The following PTPRQ variants were observed in gnomAD, a reference collection of about 807,000 sequenced individuals.
PTPRQ encodes the protein protein tyrosine phosphatase receptor type Q.
In PTPRQ, 199 loss-of-function variants were observed where a neutral mutation model predicts 246.0. That is an observed-to-expected ratio of 0.81 (90% CI 0.72 to 0.91). The LOEUF is 0.91. Ranked by LOEUF, PTPRQ falls within the 40% of genes least tolerant of loss-of-function variation. The pLI is 0.00. For missense variants in PTPRQ, 2,624 were observed against 2,528.4 expected, an observed-to-expected ratio of 1.04 and a Z score of -0.81; for synonymous variants, 869 against 853.2, an observed-to-expected ratio of 1.02 and a Z score of -0.32.
chr12:80,503,249 A>G (rs1463988644), intron 14 of PTPRQ, among the ~76,000 whole-genome samples: 1 of 151,856 alleles, frequency 6.6e-6, no homozygotes, highest in Non-Finnish European at 1.5e-5. Flanking sequence ...CATTGAGGGT[A>G]GTTGTTGAGG....
intron 43 of PTPRQ, among the ~76,000 whole-genome samples, chr12:80,676,599 G>A (rs958625712): frequency 5.3e-5 from 8 of 152,090 alleles, no homozygotes; most frequent in Non-Finnish European, 4.4e-5. Flanking sequence ...CCAAGACTGC[G>A]CCATTGCACT....
chr12:80,645,423 C>T (rs1472771245), intron 35 of PTPRQ, among the ~76,000 whole-genome samples: 1 of 151,838 alleles, frequency 6.6e-6, no homozygotes, highest in Non-Finnish European at 1.5e-5. Context: ...TATTCCCTCA[C>T]AATAAAGCCA....
intron 23 of PTPRQ, among the ~76,000 whole-genome samples, chr12:80,544,592 A>G (rs1896249919): frequency 6.6e-6 from 1 of 152,108 alleles, no homozygotes. Flanking sequence ...TTTCTCTTTC[A>G]TCAATTTTCA....
chr12:80,616,300 A>G (rs1898759182), intron 30 of PTPRQ, 34 bp downstream of exon 30: 3 of 1,439,708 alleles, frequency 2.1e-6, no homozygotes, highest in South Asian at 3.0e-5. Flanking sequence ...ATGAAATGCT[A>G]TTAATCAGTG....
intron 24 of PTPRQ, among the ~76,000 whole-genome samples, chr12:80,548,044 G>A (rs1241582489): frequency 1.3e-5 from 2 of 152,042 alleles, no homozygotes; most frequent in Non-Finnish European, 2.9e-5. Flanking sequence ...ATATAAAAAT[G>A]TTCAACCCAT....
chr12:80,584,497 C>A (rs1048451382), intron 25 of PTPRQ, among the ~76,000 whole-genome samples: 5 of 152,176 alleles, frequency 3.3e-5, no homozygotes, highest in Admixed American at 3.3e-4. Context: ...AAATGTACCT[C>A]TGGACATACT....
In PTPRQ at chr12:80,549,520, A is replaced by G; in HGVS notation, c.4071A>G (p.Leu1357=). 1 of 1,551,152 alleles carries G rather than the reference A, an allele frequency of 6.4e-7. No homozygotes were observed. ...QCMATSWQSV[L]VKWDPPKKAN... is the part of the protein sequence containing the mutation. ...TGGCAACTAGCTGGCAGTCAGTTTTAGTGAAATGGGATCCACCCAAAAAGG... is the reference window on the plus strand; with the variant it reads ...TGGCAACTAGCTGGCAGTCAGTTTTGGTGAAATGGGATCCACCCAAAAAGG... The change falls in exon 25 of 45, where the codon TTA becomes TTG. Residue 1357 remains leucine (L), a synonymous_variant. Coordinates refer to ENST00000644991, the MANE Select transcript of PTPRQ (RefSeq NM_001145026.2).
intron 26 of PTPRQ, among the ~76,000 whole-genome samples, chr12:80,598,924 A>G (rs1335334559): frequency 6.6e-6 from 1 of 151,970 alleles, no homozygotes; most frequent in African/African-American, 2.4e-5. Flanking sequence ...ATTAAGTTAG[A>G]CTTACAGGGA....
intron 25 of PTPRQ, among the ~76,000 whole-genome samples, chr12:80,584,610 C>T (rs771310507): frequency 1.3e-5 from 2 of 152,034 alleles, no homozygotes; most frequent in African/African-American, 4.8e-5. Flanking sequence ...TTGTTATTGC[C>T]GACATGAATT....
intron 26 of PTPRQ, among the ~76,000 whole-genome samples, chr12:80,599,877 G>A (rs945291783): frequency 6.2e-4 from 94 of 150,754 alleles, no homozygotes; most frequent in African/African-American, 2.1e-3. Flanking sequence ...TATATATTCA[G>A]TTATATAAGT....
intron 3 of PTPRQ, among the ~76,000 whole-genome samples, chr12:80,449,825 G>A (rs1409810630): frequency 2.0e-5 from 3 of 152,146 alleles, no homozygotes; most frequent in African/African-American, 4.8e-5. Context: ...CTCCAGCTTC[G>A]TTCTTTTGGC....
intron 25 of PTPRQ, among the ~76,000 whole-genome samples, chr12:80,573,578 C>T (rs1433565927): frequency 1.3e-5 from 2 of 152,028 alleles, no homozygotes; most frequent in Non-Finnish European, 2.9e-5. Flanking sequence ...TGGTGGTTTG[C>T]TGTACCTATT....
chr12:80,544,638 T>C (rs1896251650), intron 23 of PTPRQ, among the ~76,000 whole-genome samples: 1 of 152,164 alleles, frequency 6.6e-6, no homozygotes. Flanking sequence ...TTAAATGTAC[T>C]CTCATGCCAT....
intron 43 of PTPRQ, among the ~76,000 whole-genome samples, chr12:80,674,863 GT>G (rs1901085673): frequency 6.6e-6 from 1 of 152,160 alleles, no homozygotes; most frequent in East Asian, 1.9e-4. Context: ...CTGATTACAT[GT>G]TGTTATTTTT....
chr12:80,452,698 CT>C (rs1259572364), intron 3 of PTPRQ, among the ~76,000 whole-genome samples: 1 of 152,348 alleles, frequency 6.6e-6, no homozygotes, highest in East Asian at 1.9e-4. Flanking sequence ...TTGGCCCCCA[CT>C]CTCTTCTGGC....
At position 80,494,983 on chromosome 12, in the gene PTPRQ, T is replaced by C; in HGVS notation, c.1591T>C (p.Tyr531His). ...ITDIAAEQLS[Y>H]VIRRLVPFTE... ...TGACATTGCAGCTGAACAGCTGTCT[T>C]ATGTTATCAGGAGACTTGTACCTTT... Residue 531 changes from tyrosine (Y) to histidine (H), a missense_variant, in exon 11 of 45, where the codon TAT (tyrosine) becomes CAT (histidine). By Grantham distance (83) the Tyr-to-His change is moderately conservative (BLOSUM62 2). Transcript: ENST00000644991. 2 of 1,550,276 alleles carry C rather than the reference T, an allele frequency of 1.3e-6. No homozygotes were observed. Among genetic ancestry groups the C allele is most frequent in the Non-Finnish European group, 1.7e-6 (2 of 1,146,070 alleles).
intron 29 of PTPRQ, 50 bp from the exon 30 acceptor site, chr12:80,616,150 C>T (rs751817130): frequency 2.1e-4 from 278 of 1,338,378 alleles, no homozygotes; most frequent in Non-Finnish European, 2.5e-4. Context: ...TATACACACA[C>T]ATACATAAGC....
Position 80,678,712 on chromosome 12 carries a change from G to T in PTPRQ, c.6849G>T (p.Leu2283Phe). ...NYSALQKMDS[L>F]DAMEGDVELE... The stretch of plus-strand genomic sequence containing the variant: ...CAGCACTTCAGAAGATGGACTCTTT[G>T]GACGCCATGGAAGGTAAACAGAAAC... Residue 2283 changes from leucine (L) to phenylalanine (F), a missense_variant, in exon 44 of 45, where the codon TTG (leucine) becomes TTT (phenylalanine). Leu to Phe is a conservative substitution (Grantham distance 22, BLOSUM62 0). Coordinates refer to ENST00000644991, the MANE Select transcript of PTPRQ (RefSeq NM_001145026.2). The T allele has an allele frequency of 6.5e-7, 1 of 1,548,950 alleles. No individual in the cohort carries two copies.
At chr12:80,667,576 AGT>A (rs924652071) in intron 39 of PTPRQ, among the ~76,000 whole-genome samples, 4 of 151,876 alleles carry the variant, frequency 2.6e-5, no homozygotes, top group African/African-American at 4.8e-5. Context: ...TAGGAATTTC[AGT>A]GTCTTTGGTC....
Sources: gnomAD v4.1 joint callset for allele counts (sites outside exome capture counted in the v4.1 genomes callset) on GRCh38, gnomAD v4.1.1 for gene constraint, MANE v1.5 for transcripts, NCBI Gene and HGNC (gene_info 2026-07-23, HGNC 2026-07-21) for gene names.